PIK3C2G: variants seen among roughly 807,000 people sequenced by gnomAD.
PIK3C2G encodes phosphatidylinositol 3-kinase C2 domain-containing subunit gamma.
A neutral mutation model predicts 181.1 loss-of-function variants in PIK3C2G; 168 were observed. The observed-to-expected ratio is 0.93, with a 90% confidence interval of 0.82 to 1.05. PIK3C2G has a LOEUF of 1.05. Among genes scored for constraint, PIK3C2G ranks in the 50% least tolerant of loss-of-function variants. PIK3C2G has a pLI of 0.00. For synonymous variants in PIK3C2G, 573 were observed against 592.2 expected (o/e 0.97, Z 0.47); for missense variants, 1,869 against 1,732.8 (o/e 1.08, Z -1.40).
chr12:18,340,688 C>G (rs1939053275), intron 9 of PIK3C2G, among the ~76,000 whole-genome samples: 1 of 152,084 alleles, frequency 6.6e-6, no homozygotes, highest in South Asian at 2.1e-4. Flanking sequence ...CTGTGGAAAA[C>G]TAATTCACTT....
chr12:18,637,196 G>A (rs76400587), intron 31 of PIK3C2G, among the ~76,000 whole-genome samples: 1,659 of 152,104 alleles, frequency 0.011, 26 homozygotes, highest in African/African-American at 0.037. Flanking sequence ...AGTTTTCCTC[G>A]TAAAAACCCA....
At chr12:18,522,407 CT>C (rs937359617) in intron 24 of PIK3C2G, among the ~76,000 whole-genome samples, 1 of 152,092 alleles carries the variant, frequency 6.6e-6, no homozygotes, top group African/African-American at 2.4e-5. Context: ...GCTTAAATAA[CT>C]CCCATTAGCA....
chr12:18,648,028 A>T lies in PIK3C2G; in HGVS notation c.4461A>T (p.Ter1487CysextTer4). 6.3e-7 allele frequency: 1 copy of T among 1,581,572 alleles called. No individual in the cohort carries two copies. Among genetic ancestry groups the T allele is most frequent in the Non-Finnish European group, 8.6e-7 (1 of 1,161,896 alleles). Residue 1487 changes from the stop codon to cysteine (C), a stop_lost, in exon 33 of 33, where the codon TGA (stop) becomes TGT (cysteine). Transcript: ENST00000538779. ...ATCCATTAGGAAACAGTATAATTTGACCATTGCTATGAACATATGCATTAT... is the reference window on the plus strand; with the variant it reads ...ATCCATTAGGAAACAGTATAATTTGTCCATTGCTATGAACATATGCATTAT... ...KWYPLGNSII* is the reference protein window; with the variant it reads ...KWYPLGNSIIC
chr12:18,301,572 ATT>A (rs1453569517), intron 5 of PIK3C2G, among the ~76,000 whole-genome samples: 1 of 149,906 alleles, frequency 6.7e-6, no homozygotes, highest in Non-Finnish European at 1.5e-5. Context: ...CTTTTTTATT[ATT>A]TTTGTCTCTT....
chr12:18,502,478 C>T (rs1443918885), intron 22 of PIK3C2G, among the ~76,000 whole-genome samples: 2 of 152,082 alleles, frequency 1.3e-5, no homozygotes, highest in South Asian at 2.1e-4. Context: ...TTTATTTTAA[C>T]GACTTTATTT....
chr12:18,244,573 C>T (rs1487905858), upstream of PIK3C2G, among the ~76,000 whole-genome samples: 2 of 152,000 alleles, frequency 1.3e-5, no homozygotes, highest in African/African-American at 2.4e-5. Flanking sequence ...GCATTTTACG[C>T]TATCTCTAAA....
chr12:18,405,564 A>G (rs1052413492), intron 16 of PIK3C2G, among the ~76,000 whole-genome samples: 5 of 148,832 alleles, frequency 3.4e-5, no homozygotes, highest in Non-Finnish European at 6.0e-5. Flanking sequence ...AAACCAGGAA[A>G]ATAAACTGAA....
intron 16 of PIK3C2G, among the ~76,000 whole-genome samples, chr12:18,416,008 G>A (rs1309383949): frequency 2.6e-5 from 4 of 152,204 alleles, no homozygotes; most frequent in East Asian, 3.9e-4. Flanking sequence ...AGCACTTTAG[G>A]AGGCCGAGGC....
intron 11 of PIK3C2G, among the ~76,000 whole-genome samples, chr12:18,356,886 T>G (rs912708686): frequency 4.2e-5 from 4 of 95,694 alleles, no homozygotes; most frequent in Admixed American, 3.0e-4. Flanking sequence ...GGGCGGGGGG[T>G]GGGCCAAAAA....
intron 31 of PIK3C2G, among the ~76,000 whole-genome samples, chr12:18,628,084 T>G (rs557469154): frequency 6.6e-6 from 1 of 152,264 alleles, no homozygotes; most frequent in South Asian, 2.1e-4. Context: ...GGTCTTTCTT[T>G]GTAGTGAATC....
chr12:18,392,435 T>C (rs1373743071), intron 15 of PIK3C2G, among the ~76,000 whole-genome samples: 1 of 152,126 alleles, frequency 6.6e-6, no homozygotes, highest in Non-Finnish European at 1.5e-5. Flanking sequence ...TTCAAGCCAG[T>C]AACATCAAAC....
chr12:18,352,468 G>C (rs1181850927), intron 11 of PIK3C2G, among the ~76,000 whole-genome samples: 1 of 152,164 alleles, frequency 6.6e-6, no homozygotes, highest in African/African-American at 2.4e-5. Context: ...CTGGGTGCTG[G>C]CAGGAGTAGA....
At chr12:18,513,796 C>CA (rs1407002922) in intron 24 of PIK3C2G, among the ~76,000 whole-genome samples, 3 of 151,622 alleles carry the variant, frequency 2.0e-5, no homozygotes, top group African/African-American at 7.3e-5. Context: ...TTTATCTTTT[C>CA]AAAAAACAAC....
intron 22 of PIK3C2G, among the ~76,000 whole-genome samples, chr12:18,502,097 G>A (rs1156820244): frequency 6.6e-6 from 1 of 152,166 alleles, no homozygotes; most frequent in African/African-American, 2.4e-5. Flanking sequence ...AGGAGAGAAG[G>A]GAGAAGTGTC....
intron 31 of PIK3C2G, among the ~76,000 whole-genome samples, chr12:18,615,981 A>T (rs576728842): frequency 2.0e-4 from 30 of 152,170 alleles, no homozygotes; most frequent in Non-Finnish European, 4.3e-4. Context: ...ATCTAGAAGG[A>T]TCATTCATTG....
chr12:18,354,057 A>G (rs1940479483), intron 11 of PIK3C2G, among the ~76,000 whole-genome samples: 1 of 152,232 alleles, frequency 6.6e-6, no homozygotes, highest in Admixed American at 6.5e-5. Flanking sequence ...GCTCATAACC[A>G]AATCACTCTG....
intron 16 of PIK3C2G, among the ~76,000 whole-genome samples, chr12:18,413,409 A>T (rs574267075): frequency 8.5e-5 from 13 of 152,258 alleles, no homozygotes; most frequent in Non-Finnish European, 1.8e-4. Flanking sequence ...ATTGTACATG[A>T]ATTCTTGTCA....
At chr12:18,719,167 G>A in the PIK3C2G span, among the ~76,000 whole-genome samples, 1,101 of 152,196 alleles carry the variant, frequency 7.2e-3, 13 homozygotes, top group African/African-American at 0.026. Flanking sequence ...AGCAAACTTC[G>A]GAGGGGCCAT....
intron 3 of PIK3C2G, among the ~76,000 whole-genome samples, chr12:18,287,205 G>T (rs927325069): frequency 2.6e-5 from 4 of 151,928 alleles, no homozygotes; most frequent in African/African-American, 4.8e-5. Context: ...TGGTGGTTTG[G>T]TTTGCAGTGA....
Sources: gnomAD v4.1 joint callset for allele counts (sites outside exome capture counted in the v4.1 genomes callset) on GRCh38, gnomAD v4.1.1 for gene constraint, MANE v1.5 for transcripts, NCBI Gene and HGNC (gene_info 2026-07-23, HGNC 2026-07-21) for gene names.